The following ZNF277 variants were observed in gnomAD, a reference collection of about 807,000 sequenced individuals.
The protein encoded by ZNF277 is zinc finger protein 277, also known as nuclear receptor-interacting factor 4.
ZNF277 carries 55 observed loss-of-function variants against 60.7 expected under a neutral mutation model. The ratio of observed to expected loss-of-function variants is 0.91; its 90% CI spans 0.73 to 1.13. The LOEUF is 1.13. Ranked by LOEUF, ZNF277 falls within the 50% of genes most tolerant of loss-of-function variation. The pLI, the probability that ZNF277 is intolerant of heterozygous loss-of-function variation, is 0.00. For synonymous variants in ZNF277, 178 were observed against 179.3 expected (o/e 0.99, Z 0.06); for missense variants, 510 against 523.0 (o/e 0.98, Z 0.24).
At chr7:112,231,997 G>A (rs1479871784) in intron 1 of ZNF277, among the ~76,000 whole-genome samples, 2 of 145,714 alleles carry the variant, frequency 1.4e-5, no homozygotes, top group African/African-American at 2.6e-5. Flanking sequence ...CTCCCTTGGC[G>A]AAAACAGCAA....
intron 4 of ZNF277, among the ~76,000 whole-genome samples, chr7:112,312,124 T>G (rs1212623125): frequency 6.6e-6 from 1 of 152,146 alleles, no homozygotes; most frequent in African/African-American, 2.4e-5. Flanking sequence ...TATTATCTGG[T>G]AGACTACATT....
chr7:112,316,138 C>G (rs1013926141), intron 4 of ZNF277, among the ~76,000 whole-genome samples: 3 of 151,986 alleles, frequency 2.0e-5, no homozygotes, highest in African/African-American at 7.3e-5. Flanking sequence ...TCATGAGATC[C>G]CTTTCAGCTG....
chr7:112,250,278 C>T (rs970493783), intron 1 of ZNF277, among the ~76,000 whole-genome samples: 18 of 152,096 alleles, frequency 1.2e-4, no homozygotes, highest in Admixed American at 2.0e-4. Context: ...TTTGGTCAGA[C>T]GGGTTGATCT....
rs1340882181 is a variant in ZNF277, at chr7:112,226,908, A to G, written c.91+20101A>G. On this transcript the variant is annotated intron_variant, in intron 1 of 11. Transcript: ENST00000361822. ...AGCTTCAAAATGATTCATAGGACCC[A>G]TTGTTATTCACTCCTATTAGCAATA... Among the ~76,000 whole-genome samples the G allele has an allele frequency of 2.0e-5, 3 of 152,158 alleles. No individual in the cohort carries two copies. In the East Asian group the frequency reaches 5.8e-4, roughly 29 times the overall value.
intron 6 of ZNF277, among the ~76,000 whole-genome samples, chr7:112,329,759 T>C (rs960130819): frequency 2.6e-5 from 4 of 152,206 alleles, no homozygotes; most frequent in South Asian, 2.1e-4. Context: ...TTATAATTAA[T>C]TGAAGAACAT....
rs769030489 is a variant in ZNF277, at chr7:112,318,165, C to T, written c.466-17C>T. On this transcript the variant is annotated splice_polypyrimidine_tract_variant and intron_variant, in intron 4 of 11. Transcript: ENST00000361822. ...TGTGCATTAAGATAATACCATAAAT[C>T]TGTTTCTACTTTCCAGAGAGAAATT... 1 of 1,599,276 alleles carries T rather than the reference C, an allele frequency of 6.3e-7. No individual in the cohort carries two copies. Among genetic ancestry groups the T allele is most frequent in the Non-Finnish European group, 8.6e-7 (1 of 1,166,714 alleles).
chr7:112,296,936 T>A lies in ZNF277; in HGVS notation c.465+625T>A, dbSNP rs1389707831. 4.6e-4 allele frequency among the ~76,000 whole-genome samples: 42 copies of A among 91,620 alleles called. 1 individual carries two copies. The highest frequency in any genetic ancestry group is 2.7e-3 in the South Asian group (7 of 2,594). 60.1% of individuals were successfully genotyped at this position (91,620 alleles called of 152,430 possible). On this transcript the variant is annotated intron_variant, in intron 4 of 11. Transcript: ENST00000361822. ...TATTTTTTTTTTTTTTTTTTTTTTT[T>A]TTTTTTTTTGAGATGGAGTCTCGCT... is the stretch of plus-strand genomic sequence containing the variant.
intron 1 of ZNF277, among the ~76,000 whole-genome samples, chr7:112,261,619 C>T (rs1791440901): frequency 6.6e-6 from 1 of 152,038 alleles, no homozygotes; most frequent in Non-Finnish European, 1.5e-5. Flanking sequence ...TAAATACTAC[C>T]ACACCACATA....
intron 9 of ZNF277, 110 bp downstream of exon 9, chr7:112,337,936 A>C: frequency 1.1e-6 from 1 of 883,740 alleles, no homozygotes; most frequent in Non-Finnish European, 1.7e-6. Context: ...TATTCCAACC[A>C]GAAGAGACAG....
chr7:112,294,433 G>A (rs145645341), intron 2 of ZNF277, among the ~76,000 whole-genome samples: 2 of 152,290 alleles, frequency 1.3e-5, no homozygotes, highest in East Asian at 3.9e-4. Flanking sequence ...GGAGTAGGGT[G>A]CATCATTTAT....
chr7:112,244,418 T>C (rs1205165860), intron 1 of ZNF277, among the ~76,000 whole-genome samples: 1 of 152,192 alleles, frequency 6.6e-6, no homozygotes, highest in Non-Finnish European at 1.5e-5. Flanking sequence ...TTCTCCCTTC[T>C]AGGTTCTCTG....
rs766549961 is a variant in ZNF277, at chr7:112,340,916, A to C, written c.1054A>C (p.Arg352=). The C allele has an allele frequency of 1.4e-5, 22 of 1,611,860 alleles. No individual in the cohort carries two copies. The highest frequency in any genetic ancestry group is 6.7e-5 in the Admixed American group (4 of 59,574). ...QQVKLVNFIR[R]QVHQCRCYGC... ...AGTGAAACTGGTCAATTTTATTCGG[A>C]GGCAAGTTCACCAATGCAGATGTTA... Residue 352 remains arginine (R), a synonymous_variant, in exon 11 of 12, where the codon AGG becomes CGG. Coordinates refer to ENST00000361822, the MANE Select transcript of ZNF277 (RefSeq NM_021994.3).
chr7:112,327,323 C>T (rs953641519), intron 5 of ZNF277, among the ~76,000 whole-genome samples: 2 of 152,190 alleles, frequency 1.3e-5, no homozygotes, highest in Non-Finnish European at 2.9e-5. Flanking sequence ...GGTTCGCGCT[C>T]CTATGAGAAT....
rs528427825 is a variant in ZNF277, at chr7:112,222,994, A to G, written c.91+16187A>G. ...TGCTGGATGCTTCCTGCCCTCGAAC[A>G]TCGTACTCCAAGTTCTTCAGTTTTG... On this transcript the variant is annotated intron_variant, in intron 1 of 11. Transcript: ENST00000361822. Among the ~76,000 whole-genome samples, 4 of 152,274 alleles carry G rather than the reference A, an allele frequency of 2.6e-5. No individual in the cohort carries two copies. In the South Asian group the frequency reaches 6.2e-4, roughly 24 times the overall value.
intron 6 of ZNF277, 27 bp downstream of exon 6, chr7:112,327,854 C>T: frequency 6.9e-7 from 1 of 1,441,182 alleles, no homozygotes; most frequent in Non-Finnish European, 9.5e-7. Flanking sequence ...GAAACACTGC[C>T]TAAAGCTGTT....
intron 1 of ZNF277, among the ~76,000 whole-genome samples, chr7:112,238,539 T>C (rs10279631): frequency 0.21 from 31,474 of 152,050 alleles, 3,575 homozygotes; most frequent in Non-Finnish European, 0.24. Context: ...GCCAGTGGAC[T>C]TGAGGTACAT....
At chr7:112,326,809 A>G (rs572859941) in intron 5 of ZNF277, among the ~76,000 whole-genome samples, 31 of 152,306 alleles carry the variant, frequency 2.0e-4, no homozygotes, top group Admixed American at 7.8e-4. Context: ...TGCATAGTCT[A>G]TCAATGGTAC....
At chr7:112,267,596 T>C (rs1482036810) in intron 1 of ZNF277, among the ~76,000 whole-genome samples, 1 of 152,194 alleles carries the variant, frequency 6.6e-6, no homozygotes, top group African/African-American at 2.4e-5. Context: ...TGTGATTAGC[T>C]TTTGCTGCCT....
intron 1 of ZNF277, among the ~76,000 whole-genome samples, chr7:112,248,483 T>G (rs1791133268): frequency 6.6e-6 from 1 of 152,066 alleles, no homozygotes. Context: ...AAACAGAGCT[T>G]TAATTTTTCC....
Sources: allele counts gnomAD v4.1 joint callset (sites outside exome capture counted in the v4.1 genomes callset), GRCh38; gene constraint gnomAD v4.1.1; transcripts MANE v1.5; gene names NCBI Gene and HGNC (gene_info 2026-07-23, HGNC 2026-07-21).